The following MTA3 variants were observed in gnomAD, a reference collection of about 807,000 sequenced individuals.
MTA3 encodes metastasis associated 1 family member 3.
Under a neutral mutation model 83.5 loss-of-function variants are expected in MTA3, and 34 were observed. The observed-to-expected ratio is 0.41, with a 90% CI of 0.31 to 0.54. The LOEUF (loss-of-function observed/expected upper bound fraction) is 0.54, where lower values mean the gene tolerates loss of function less well. Ranked by LOEUF, MTA3 falls within the 20% of genes least tolerant of loss-of-function variation. The probability of loss-of-function intolerance (pLI) is 0.33; values close to 1 mark genes in which losing one functional copy is unlikely to be tolerated. For missense variants in MTA3, 761 were observed against 726.4 expected, an observed-to-expected ratio of 1.05 and a Z score of -0.55; for synonymous variants, 303 against 252.7, an observed-to-expected ratio of 1.20 and a Z score of -1.89.
intron 2 of MTA3, among the ~76,000 whole-genome samples, chr2:42,573,586 C>T (rs1678718035): frequency 6.6e-6 from 1 of 152,224 alleles, no homozygotes; most frequent in Admixed American, 6.5e-5. Flanking sequence ...TCTCCGGTCA[C>T]TGCAACCTCT....
intron 8 of MTA3, among the ~76,000 whole-genome samples, chr2:42,661,895 A>G (rs1689755173): frequency 6.6e-6 from 1 of 152,174 alleles, no homozygotes; most frequent in African/African-American, 2.4e-5. Context: ...TGAAGTCTCT[A>G]ATATTCCCTT....
chr2:42,636,422 G>C (rs1558528108), intron 4 of MTA3, among the ~76,000 whole-genome samples: 1 of 151,990 alleles, frequency 6.6e-6, no homozygotes, highest in South Asian at 2.1e-4. Context: ...CACACCTGTA[G>C]TCCCAGCTAC....
At chr2:42,685,272 A>G (rs1263888238) in intron 9 of MTA3, among the ~76,000 whole-genome samples, 1 of 152,204 alleles carries the variant, frequency 6.6e-6, no homozygotes, top group East Asian at 1.9e-4. Flanking sequence ...ACAGATTTGT[A>G]GCATGGTATA....
At chr2:42,640,333 C>G in intron 5 of MTA3, 97 bp downstream of exon 5, 1 of 839,382 alleles carries the variant, frequency 1.2e-6, no homozygotes. Flanking sequence ...AAGTATTATT[C>G]CACCATTATA....
chr2:42,678,411 C>G (rs1323937031), intron 8 of MTA3, among the ~76,000 whole-genome samples: 5 of 152,112 alleles, frequency 3.3e-5, no homozygotes. Flanking sequence ...GATCTCGGCT[C>G]ACTGCTACTT....
At chr2:42,633,829 C>T (rs1686925153) in intron 4 of MTA3, among the ~76,000 whole-genome samples, 1 of 150,702 alleles carries the variant, frequency 6.6e-6, no homozygotes, top group East Asian at 1.9e-4. Flanking sequence ...GCGGAGCTTG[C>T]AGTGAGCCGA....
At chr2:42,636,633 T>A (rs1373767055) in intron 4 of MTA3, among the ~76,000 whole-genome samples, 1 of 149,690 alleles carries the variant, frequency 6.7e-6, no homozygotes, top group East Asian at 1.9e-4. Flanking sequence ...TTTCTTTTTT[T>A]TTTTTTTTTT....
At position 42,675,687 on chromosome 2, in the gene MTA3, T is replaced by C. The variant is rs1691282904; in HGVS notation, c.703-6714T>C. ...TTCAAACTTCTCTGGCATTTCAAAT[T>C]TGTGTTATCTTACTGATAAACCGCA... is the stretch of plus-strand genomic sequence containing the variant. On this transcript the variant is annotated intron_variant, in intron 8 of 16. Transcript: ENST00000405094. Among the ~76,000 whole-genome samples the C allele has an allele frequency of 2.0e-5, 3 of 152,230 alleles. No homozygotes were observed. In the South Asian group the frequency reaches 6.2e-4, roughly 32 times the overall value.
intron 13 of MTA3, among the ~76,000 whole-genome samples, 168 bp downstream of exon 13, chr2:42,708,222 A>G (rs1307495489): frequency 2.0e-5 from 3 of 152,242 alleles, no homozygotes; most frequent in Non-Finnish European, 1.5e-5. Flanking sequence ...GCAGAGAGAA[A>G]TTAAATTTTA....
chr2:42,697,018 T>G (rs981099102), intron 10 of MTA3, among the ~76,000 whole-genome samples: 1 of 152,252 alleles, frequency 6.6e-6, no homozygotes, highest in Non-Finnish European at 1.5e-5. Flanking sequence ...TCTAAAAGTT[T>G]CAAGTTGTCC....
intron 4 of MTA3, among the ~76,000 whole-genome samples, chr2:42,619,449 T>C (rs536136803): frequency 6.6e-6 from 1 of 152,206 alleles, no homozygotes; most frequent in Non-Finnish European, 1.5e-5. Context: ...TAAAATGATA[T>C]TTATATTATC....
chr2:42,755,383 T>A lies in MTA3; in HGVS notation c.*1984T>A, dbSNP rs1376113264. ...GCCCTCTCACCCAGGCCCAAGAGAT[T>A]TGGAGACAGGAGTCAGGCCAGGTCT... On this transcript the variant is annotated 3_prime_UTR_variant, in exon 17 of 17. Transcript: ENST00000405094. The A allele has an allele frequency of 3.0e-6, 3 of 985,340 alleles. No homozygotes were observed. The highest frequency in any genetic ancestry group is 3.6e-6 in the Non-Finnish European group (3 of 829,964). The allele number at this position is 985,340 out of a possible 1,614,324, so 61.0% of individuals were successfully genotyped here. A position where few individuals can be genotyped will look rare whatever the true frequency, so the allele number is the denominator to read the frequency against.
chr2:42,553,594 G>A (rs1458463827), intron 2 of MTA3, among the ~76,000 whole-genome samples: 2 of 150,724 alleles, frequency 1.3e-5, no homozygotes. Context: ...AATTAACCGA[G>A]TATGGTGGCG....
At chr2:42,503,265 C>G (rs1263320923) in intron 2 of MTA3, among the ~76,000 whole-genome samples, 1 of 152,214 alleles carries the variant, frequency 6.6e-6, no homozygotes, top group African/African-American at 2.4e-5. Context: ...CTGACATTGC[C>G]ATGGCATTTG....
intron 2 of MTA3, among the ~76,000 whole-genome samples, chr2:42,520,037 TG>T (rs1402958744): frequency 2.0e-5 from 3 of 152,106 alleles, no homozygotes; most frequent in African/African-American, 7.2e-5. Flanking sequence ...AGCCAGACCT[TG>T]TCTCAAAAAA....
At chr2:42,674,296 A>T (rs530680840) in intron 8 of MTA3, among the ~76,000 whole-genome samples, 1 of 152,352 alleles carries the variant, frequency 6.6e-6, no homozygotes, top group African/African-American at 2.4e-5. Flanking sequence ...ACAATAGTCC[A>T]ATCTACCCAT....
intron 6 of MTA3, among the ~76,000 whole-genome samples, chr2:42,655,611 C>G (rs1689095935): frequency 6.6e-6 from 1 of 151,984 alleles, no homozygotes; most frequent in Admixed American, 6.6e-5. Context: ...TGCTTTCTTT[C>G]TTTTTTTCTG....
intron 14 of MTA3, among the ~76,000 whole-genome samples, chr2:42,717,811 G>A (rs906283574): frequency 1.3e-5 from 2 of 152,240 alleles, no homozygotes; most frequent in African/African-American, 4.8e-5. Flanking sequence ...TCACAGTGGG[G>A]AAGGGATGGC....
chr2:42,568,404 C>T (rs1478510860), upstream of MTA3: 1 of 181,182 alleles, frequency 5.5e-6, no homozygotes, highest in African/African-American at 2.4e-5. Context: ...CCCTCCACTT[C>T]CAGCAAGGCC....
Sources: allele counts gnomAD v4.1 joint callset (sites outside exome capture counted in the v4.1 genomes callset), GRCh38; gene constraint gnomAD v4.1.1; transcripts MANE v1.5; gene names NCBI Gene and HGNC (gene_info 2026-07-23, HGNC 2026-07-21).